CFLAR: variants seen among roughly 807,000 people sequenced by gnomAD.
CFLAR encodes the protein CASP8 and FADD-like apoptosis regulator.
A neutral mutation model predicts 51.1 loss-of-function variants in CFLAR; 14 were observed. The observed-to-expected ratio is 0.27, with a 90% CI of 0.18 to 0.43. CFLAR has a LOEUF of 0.43. CFLAR is among the 20% of genes least tolerant of loss of function. The pLI is 1.00. For synonymous variants in CFLAR, 210 were observed against 211.6 expected (o/e 0.99, Z 0.06); for missense variants, 390 against 566.5 (o/e 0.69, Z 3.16).
chr2:201,138,866 C>T lies in CFLAR; in HGVS notation c.524-1491C>T, dbSNP rs572740840. 55 of 712,332 alleles carry T rather than the reference C, an allele frequency of 7.7e-5. 1 individual carries two copies. Among genetic ancestry groups the T allele is most frequent in the South Asian group, 6.5e-4 (48 of 74,094 alleles). The allele number at this position is 712,332 out of a possible 1,614,324, so 44.1% of individuals were successfully genotyped here. ...CAGTGTCCATGGGGGAGGAGATCAG[C>T]GGCGTCTTCAGAGTGACCATTGGGT... On this transcript the variant is annotated intron_variant, in intron 4 of 9. Transcript: ENST00000309955. This position sits in a 1 kb window ranked among gnomAD's most constrained non-coding sequence, Gnocchi z 4.0.
chr2:201,136,498 C>T (rs1349151459), intron 4 of CFLAR: 22 of 1,580,266 alleles, frequency 1.4e-5, no homozygotes, highest in Non-Finnish European at 1.9e-5. Context: ...ACTTGGGTCT[C>T]ATACCTTCCT....
chr2:201,130,857 T>C (rs1334798171), intron 2 of CFLAR, among the ~76,000 whole-genome samples: 1 of 152,184 alleles, frequency 6.6e-6, no homozygotes, highest in Non-Finnish European at 1.5e-5. Context: ...AAGTCAGTCC[T>C]TGATAATTTG....
chr2:201,142,247 C>G (rs1311159236), intron 5 of CFLAR, among the ~76,000 whole-genome samples: 2 of 151,282 alleles, frequency 1.3e-5, no homozygotes, highest in African/African-American at 4.9e-5. Flanking sequence ...TGCACTCCAG[C>G]CCTGGTGACA....
chr2:201,160,884 T>C lies in CFLAR; in HGVS notation c.1246T>C (p.Ser416Pro). ...TGCGGACATGTCCCTGCTGGAGCAG[T>C]CTCACAGCTCACCATCCCTGTACCT... ...CTADMSLLEQ[S>P]HSSPSLYLQC... The change falls in exon 9 of 10, where the codon TCT (serine) becomes CCT (proline). Residue 416 changes from serine (S) to proline (P), a missense_variant. Transcript: ENST00000309955. The C allele has an allele frequency of 6.2e-7, 1 of 1,612,040 alleles. No homozygotes were observed. The highest frequency in any genetic ancestry group is 1.1e-5 in the South Asian group (1 of 91,018).
At chr2:201,117,238 A>G (rs980854390) in intron 1 of CFLAR, 1 of 152,190 alleles carries the variant, frequency 6.6e-6, no homozygotes, top group East Asian at 1.9e-4. Flanking sequence ...TGGCTAATGA[A>G]AAGTTTTTAG....
At chr2:201,137,650 T>C (rs1315454116) in intron 4 of CFLAR, 4 of 759,118 alleles carry the variant, frequency 5.3e-6, no homozygotes, top group Non-Finnish European at 9.8e-6. Flanking sequence ...TGGGCCCCGA[T>C]ATCCTGGCAG....
chr2:201,135,358 C>T lies in CFLAR; in HGVS notation c.388-614C>T, dbSNP rs138496998. Among the ~76,000 whole-genome samples, 15 of 152,234 alleles carry T rather than the reference C, an allele frequency of 9.9e-5. No homozygotes were observed. The East Asian group carries it at 2.9e-3, about 29-fold the overall frequency. Reference sequence around the variant, plus strand: ...GCCTGGCCTTTTGGAAAATAATAAACTTAGGAGGATTGTCTTTTCAGCCCT... The same window carrying T: ...GCCTGGCCTTTTGGAAAATAATAAATTTAGGAGGATTGTCTTTTCAGCCCT... On this transcript the variant is annotated intron_variant, in intron 3 of 9. Coordinates refer to ENST00000309955, the MANE Select transcript of CFLAR (RefSeq NM_003879.7).
chr2:201,130,339 CT>C (rs1235782239), intron 2 of CFLAR, among the ~76,000 whole-genome samples, 193 bp downstream of exon 2: 3 of 131,616 alleles, frequency 2.3e-5, no homozygotes, highest in Admixed American at 7.5e-5. Flanking sequence ...TTCTTGCTTT[CT>C]TTTTCTTTCT....
intron 8 of CFLAR, chr2:201,154,582 AC>A (rs779096694): frequency 1.3e-5 from 2 of 152,254 alleles, no homozygotes; most frequent in Non-Finnish European, 2.9e-5. Context: ...CTGGAAGAAT[AC>A]CTGCTATGTA....
At chr2:201,159,240 G>T (rs993431271) in intron 8 of CFLAR, among the ~76,000 whole-genome samples, 1 of 151,870 alleles carries the variant, frequency 6.6e-6, no homozygotes, top group Non-Finnish European at 1.5e-5. Context: ...CCTTGTTAAT[G>T]ATGCTTATTG....
At chr2:201,161,423 T>TA (rs111863321) in intron 9 of CFLAR, among the ~76,000 whole-genome samples, 2,006 of 151,332 alleles carry the variant, frequency 0.013, 31 homozygotes, top group African/African-American at 0.033. Context: ...TTTATTTATT[T>TA]TTTTTTTTGA....
At chr2:201,163,681 A>G (rs1040190013) in intron 9 of CFLAR, 154 bp from the exon 10 acceptor site, 5 of 1,436,590 alleles carry the variant, frequency 3.5e-6, no homozygotes, top group Non-Finnish European at 4.6e-6. Context: ...GAGTATTGCA[A>G]GTTAGTTTGG....
At chr2:201,142,515 G>A (rs1939158056) in intron 5 of CFLAR, 1 of 152,084 alleles carries the variant, frequency 6.6e-6, no homozygotes, top group African/African-American at 2.4e-5. Context: ...CTAACTACTA[G>A]CAGAGCTGGG....
rs1331091697 is a variant in CFLAR at position 201,138,836 on chromosome 2, T to C, written c.524-1521T>C. On this transcript the variant is annotated intron_variant, in intron 4 of 9. Coordinates refer to ENST00000309955, the MANE Select transcript of CFLAR (RefSeq NM_003879.7). The surrounding 1 kb of genome is among the most constrained non-coding windows in gnomAD (Gnocchi z 4.0). Reference sequence around the variant, plus strand: ...CCATCACGATGGCCAGGTCGGCCTCTGTCACAGTGTCCATGGGGGAGGAGA... The same window carrying C: ...CCATCACGATGGCCAGGTCGGCCTCCGTCACAGTGTCCATGGGGGAGGAGA... 6 of 736,952 alleles carry C rather than the reference T, an allele frequency of 8.1e-6. No homozygotes were observed. The Admixed American group carries it at 1.0e-4, about 13-fold the overall frequency. The allele number at this position is 736,952 out of a possible 1,614,324, so 45.7% of individuals were successfully genotyped here. A position where few individuals can be genotyped will look rare whatever the true frequency, so the allele number is the denominator to read the frequency against.
At chr2:201,130,293 C>A in intron 2 of CFLAR, 147 bp downstream of exon 2, 2 of 512,596 alleles carry the variant, frequency 3.9e-6, no homozygotes, top group Admixed American at 3.7e-5. Flanking sequence ...GATGTCACTT[C>A]ATTCCTGTGA....
chr2:201,134,273 A>G (rs2049781438), intron 3 of CFLAR, among the ~76,000 whole-genome samples: 1 of 151,700 alleles, frequency 6.6e-6, no homozygotes, highest in Non-Finnish European at 1.5e-5. Context: ...GCACCATTGC[A>G]CTCCAGCCTG....
chr2:201,144,721 A>G (rs1236295941), intron 5 of CFLAR, among the ~76,000 whole-genome samples: 1 of 152,352 alleles, frequency 6.6e-6, no homozygotes, highest in African/African-American at 2.4e-5. Flanking sequence ...TGGAATGTCA[A>G]TCTCATGTTC....
chr2:201,145,538 G>A (rs1939957199), intron 6 of CFLAR, 106 bp downstream of exon 6: 2 of 749,864 alleles, frequency 2.7e-6, no homozygotes, highest in African/African-American at 3.6e-5. Context: ...CATAATCTAA[G>A]TAAGCTCTCA....
intron 8 of CFLAR, chr2:201,152,796 A>C (rs982043517): frequency 2.6e-5 from 4 of 152,306 alleles, no homozygotes; most frequent in African/African-American, 9.6e-5. Context: ...GGAGAATCTA[A>C]GTACAAAGTA....
Sources: allele counts gnomAD v4.1 joint callset (sites outside exome capture counted in the v4.1 genomes callset), GRCh38; gene constraint gnomAD v4.1.1; non-coding constraint Gnocchi (gnomAD v3.1); transcripts MANE v1.5; gene names NCBI Gene and HGNC (gene_info 2026-07-23, HGNC 2026-07-21).